The following IQSEC1 variants were observed in gnomAD, a reference collection of about 807,000 sequenced individuals.
IQSEC1 encodes the protein IQ motif and SEC7 domain-containing protein 1.
A neutral mutation model predicts 91.0 loss-of-function variants in IQSEC1; 31 were observed. The ratio of observed to expected loss-of-function variants is 0.34; its 90% CI spans 0.26 to 0.46. IQSEC1 has a LOEUF of 0.46. IQSEC1 is among the 20% of genes least tolerant of loss of function. The pLI is 1.00. For synonymous variants in IQSEC1, 699 were observed against 662.6 expected, an observed-to-expected ratio of 1.05 and a Z score of -0.84; for missense variants, 1,388 against 1,575.6, an observed-to-expected ratio of 0.88 and a Z score of 2.02.
chr3:13,013,023 C>T (rs894193104), intron 1 of IQSEC1, among the ~76,000 whole-genome samples: 23 of 136,102 alleles, frequency 1.7e-4, no homozygotes, highest in Non-Finnish European at 3.3e-4. Flanking sequence ...TGCAGTGGCA[C>T]GACCTAGGCT....
intron 1 of IQSEC1, among the ~76,000 whole-genome samples, chr3:13,057,379 C>T (rs1704915103): frequency 6.6e-6 from 1 of 152,190 alleles, no homozygotes; most frequent in Admixed American, 6.5e-5. Flanking sequence ...TAGACTTTTC[C>T]ATGCCCAATG....
chr3:13,103,305 T>A lies in IQSEC1; in HGVS notation c.303-55783A>T, dbSNP rs888822749. Among the ~76,000 whole-genome samples the A allele has an allele frequency of 2.0e-5, 3 of 151,990 alleles. No individual in the cohort carries two copies. Among genetic ancestry groups the A allele is most frequent in the Non-Finnish European group, 4.4e-5 (3 of 68,006 alleles). Reference sequence around the variant, plus strand: ...GTTTCCAATTTGTGTTTCCAGAAATTCATCTCCCAGCCACCTTTTTAATTA... The same window carrying A: ...GTTTCCAATTTGTGTTTCCAGAAATACATCTCCCAGCCACCTTTTTAATTA... On this transcript the variant is annotated intron_variant, in intron 2 of 15. Transcript: ENST00000648114. The surrounding 1 kb of genome is among the most constrained non-coding windows in gnomAD (Gnocchi z 4.1).
intron 1 of IQSEC1, among the ~76,000 whole-genome samples, chr3:12,984,091 C>T (rs1450772538): frequency 6.6e-6 from 1 of 152,156 alleles, no homozygotes; most frequent in Non-Finnish European, 1.5e-5. Flanking sequence ...TCAGGCCATC[C>T]TCCAGCCCCC....
At chr3:12,961,959 C>T (rs1212096226) in intron 1 of IQSEC1, among the ~76,000 whole-genome samples, 1 of 152,254 alleles carries the variant, frequency 6.6e-6, no homozygotes, top group African/African-American at 2.4e-5. Flanking sequence ...AGTCTGACTA[C>T]AGAATCTGCC....
At chr3:13,201,658 A>G (rs1170544419) in intron 1 of IQSEC1, among the ~76,000 whole-genome samples, 1 of 152,190 alleles carries the variant, frequency 6.6e-6, no homozygotes, top group African/African-American at 2.4e-5. Context: ...TTAAGATTTC[A>G]TATGCAAAGA....
chr3:13,175,363 T>C (rs1042802550), intron 1 of IQSEC1, among the ~76,000 whole-genome samples: 1 of 152,196 alleles, frequency 6.6e-6, no homozygotes, highest in African/African-American at 2.4e-5. Context: ...AGTGACATCA[T>C]TCCCTGCTAT....
chr3:13,224,577 G>A (rs746160019), intron 1 of IQSEC1, among the ~76,000 whole-genome samples: 295 of 152,026 alleles, frequency 1.9e-3, no homozygotes, highest in Admixed American at 4.6e-3. Context: ...TCTGATCTCC[G>A]CAGTGCTCAC....
Position 12,922,203 on chromosome 3 carries a change from C to T in IQSEC1, c.1770G>A (p.Leu590=), listed in dbSNP as rs760886656. ...CCTGGAATTTCCTGAGGGCCTCATCCAGCTCCATGGTAGAGAAGTCCATCT... is the reference window on the plus strand; with the variant it reads ...CCTGGAATTTCCTGAGGGCCTCATCTAGCTCCATGGTAGAGAAGTCCATCT... The part of the protein sequence containing the change: ...VDEMDFSTME[L]DEALRKFQAH... The change falls in exon 5 of 14, where the codon CTG becomes CTA. Residue 590 remains leucine, a synonymous_variant. Coordinates refer to ENST00000613206, the MANE Select transcript of IQSEC1 (RefSeq NM_001134382.3). The surrounding 1 kb of genome is among the most constrained non-coding windows in gnomAD (Gnocchi z 5.1). 51 of 1,608,612 alleles carry T rather than the reference C, an allele frequency of 3.2e-5. No individual in the cohort carries two copies. Among genetic ancestry groups the T allele is most frequent in the Non-Finnish European group, 4.2e-5 (49 of 1,176,620 alleles).
chr3:13,120,204 C>A (rs1289276211), intron 2 of IQSEC1, among the ~76,000 whole-genome samples: 2 of 152,222 alleles, frequency 1.3e-5, no homozygotes, highest in South Asian at 2.1e-4. Context: ...AGGGACAGGA[C>A]AAAGACTCTG....
intron 1 of IQSEC1, among the ~76,000 whole-genome samples, chr3:13,213,897 G>A (rs531229691): frequency 3.9e-4 from 59 of 152,216 alleles, no homozygotes; most frequent in African/African-American, 1.4e-3. Flanking sequence ...GCACCATCCT[G>A]GGCTCGTATC....
At chr3:12,989,252 TGAAAATC>T in intron 1 of IQSEC1, among the ~76,000 whole-genome samples, 1 of 152,198 alleles carries the variant, frequency 6.6e-6, no homozygotes, top group Non-Finnish European at 1.5e-5. Flanking sequence ...AGCACCAAAC[TGAAAATC>T]TGGCACATAG....
At position 12,941,715 on chromosome 3, in the gene IQSEC1, C is replaced by T. The variant is rs372674922; in HGVS notation, c.174G>A (p.Pro58=). 1.6e-5 allele frequency: 26 copies of T among 1,612,558 alleles called. No homozygotes were observed. Among genetic ancestry groups the T allele is most frequent in the African/African-American group, 4.0e-5 (3 of 75,038 alleles). ...TCCGCGTGCGCTGCTGTTGCCCCGG[C>T]GGCCCCGAGTACAGCCCATAGGCTC... ...SVGAYGLYSG[P]PGQQQRTRRP... is the part of the protein sequence containing the mutation. The change falls in exon 2 of 14, where the codon CCG becomes CCA. Residue 58 remains proline (P), a synonymous_variant. Coordinates refer to ENST00000613206, the MANE Select transcript of IQSEC1 (RefSeq NM_001134382.3).
chr3:13,279,037 G>T (rs182304100), intron 1 of IQSEC1, among the ~76,000 whole-genome samples: 35 of 152,314 alleles, frequency 2.3e-4, no homozygotes, highest in African/African-American at 7.2e-4. Context: ...GGCATAGACC[G>T]TAAGCAGGGC....
intron 1 of IQSEC1, among the ~76,000 whole-genome samples, chr3:13,249,359 A>G (rs901538183): frequency 6.6e-6 from 1 of 151,510 alleles, no homozygotes; most frequent in African/African-American, 2.4e-5. Flanking sequence ...TTTTTAGTAG[A>G]GATGGGGTTT....
chr3:12,935,367 T>G lies in IQSEC1; in HGVS notation c.1568+81A>C. On this transcript the variant is annotated intron_variant, in intron 3 of 13. Transcript: ENST00000613206. The surrounding 1 kb of genome is among the most constrained non-coding windows in gnomAD (Gnocchi z 8.0). Reference sequence around the variant, plus strand: ...CACGGTGGACCTCAAGCTCCGTGCTTGGAAGGATGCAGCCACGCCCACCCG... The same window carrying G: ...CACGGTGGACCTCAAGCTCCGTGCTGGGAAGGATGCAGCCACGCCCACCCG... The G allele has an allele frequency of 7.2e-7, 1 of 1,397,124 alleles. No homozygotes were observed. Among genetic ancestry groups the G allele is most frequent in the Non-Finnish European group, 9.9e-7 (1 of 1,013,812 alleles). The allele number at this position is 1,397,124 out of a possible 1,614,324, so 86.5% of individuals were successfully genotyped here.
chr3:13,244,625 C>T (rs570492852), intron 1 of IQSEC1, among the ~76,000 whole-genome samples: 2 of 152,264 alleles, frequency 1.3e-5, no homozygotes, highest in African/African-American at 4.8e-5. Context: ...CAGTTGTGAC[C>T]AACCAGCCCA....
At chr3:13,255,403 C>T (rs533733761) in intron 1 of IQSEC1, among the ~76,000 whole-genome samples, 7 of 152,340 alleles carry the variant, frequency 4.6e-5, no homozygotes, top group South Asian at 2.1e-4. Context: ...GGCTCCCACA[C>T]GCAGGGCCTA....
chr3:13,247,879 G>A (rs992957093), intron 1 of IQSEC1, among the ~76,000 whole-genome samples: 5 of 152,104 alleles, frequency 3.3e-5, no homozygotes, highest in South Asian at 2.1e-4. Context: ...CTGCCTCCAC[G>A]GCCTAAGGAG....
At chr3:12,919,082 A>G (rs572732026) in intron 6 of IQSEC1, among the ~76,000 whole-genome samples, 1 of 126,986 alleles carries the variant, frequency 7.9e-6, no homozygotes, top group Non-Finnish European at 1.6e-5. Context: ...GCTCAGGATG[A>G]GAGGCCCCGG....
Sources: gnomAD v4.1 joint callset for allele counts (sites outside exome capture counted in the v4.1 genomes callset) on GRCh38, gnomAD v4.1.1 for gene constraint, Gnocchi (gnomAD v3.1) non-coding constraint, MANE v1.5 for transcripts, NCBI Gene and HGNC (gene_info 2026-07-23, HGNC 2026-07-21) for gene names.